The following CENPK variants were observed in gnomAD, a reference collection of about 807,000 sequenced individuals.
CENPK encodes the protein SoxLZ/Sox6-binding protein Solt.
CENPK carries 46 observed loss-of-function variants against 40.9 expected under a neutral mutation model. The observed-to-expected ratio is 1.13, with a 90% CI of 0.89 to 1.44. The LOEUF (loss-of-function observed/expected upper bound fraction) is 1.44. CENPK is among the 40% of genes most tolerant of loss of function. The pLI, the probability that CENPK is intolerant of heterozygous loss-of-function variation, is 0.00. For synonymous variants in CENPK, 107 were observed against 104.4 expected, an observed-to-expected ratio of 1.02 and a Z score of -0.15; for missense variants, 288 against 303.5, an observed-to-expected ratio of 0.95 and a Z score of 0.38.
rs888099155 is a variant in CENPK at position 65,528,897 on chromosome 5, A to G, written c.470+22T>C. 5 of 1,351,968 alleles carry G rather than the reference A, an allele frequency of 3.7e-6. No homozygotes were observed. In the Admixed American group the frequency reaches 1.0e-4, roughly 27 times the overall value. 83.7% of individuals were successfully genotyped at this position (1,351,968 alleles called of 1,614,324 possible). Reference sequence around the variant, plus strand: ...ATAAAATACTTTTCCTATTTTAAAAACCTAGAACATAAAATTAATACCTTG... The same window carrying G: ...ATAAAATACTTTTCCTATTTTAAAAGCCTAGAACATAAAATTAATACCTTG... On this transcript the variant is annotated intron_variant, in intron 8 of 10. Transcript: ENST00000396679.
chr5:65,551,659 C>A (rs1186445167), intron 4 of CENPK, 23 bp from the exon 5 acceptor site: 3 of 1,373,224 alleles, frequency 2.2e-6, no homozygotes, highest in Admixed American at 4.0e-5. Flanking sequence ...AAAACAAAGT[C>A]ATTTTCTGTG....
intron 6 of CENPK, among the ~76,000 whole-genome samples, chr5:65,538,041 T>C (rs1320556584): frequency 6.6e-6 from 1 of 152,224 alleles, no homozygotes; most frequent in Non-Finnish European, 1.5e-5. Context: ...AGCAATGTAT[T>C]GCTATTCCAA....
chr5:65,510,407 T>C, the CENPK span, among the ~76,000 whole-genome samples: 5 of 152,182 alleles, frequency 3.3e-5, no homozygotes, highest in African/African-American at 1.2e-4. Flanking sequence ...TGAAATTTAA[T>C]CCACAAAATG....
chr5:65,553,854 C>A (rs1183837894), intron 3 of CENPK, among the ~76,000 whole-genome samples: 1 of 152,134 alleles, frequency 6.6e-6, no homozygotes, highest in Non-Finnish European at 1.5e-5. Flanking sequence ...TTCAAAAACA[C>A]CAGAGTAATT....
chr5:65,561,632 CT>C, intron 1 of CENPK, 68 bp from the exon 2 acceptor site: 1 of 338,728 alleles, frequency 3.0e-6, no homozygotes. Context: ...AAGAGTTGAA[CT>C]TTTCCCGTTC....
intron 6 of CENPK, among the ~76,000 whole-genome samples, chr5:65,538,043 C>T (rs559337719): frequency 1.3e-3 from 195 of 152,260 alleles, no homozygotes; most frequent in African/African-American, 4.5e-3. Context: ...CAATGTATTG[C>T]TATTCCAATT....
intron 6 of CENPK, among the ~76,000 whole-genome samples, chr5:65,533,408 CAG>C (rs1200249388): frequency 7.3e-6 from 1 of 137,216 alleles, no homozygotes; most frequent in Admixed American, 7.6e-5. Flanking sequence ...TAAACTGTAA[CAG>C]AAGAAAATTT....
downstream of CENPK, among the ~76,000 whole-genome samples, chr5:65,516,586 C>T (rs1264537272): frequency 6.6e-6 from 1 of 152,030 alleles, no homozygotes; most frequent in Non-Finnish European, 1.5e-5. Flanking sequence ...AGTGGTTACC[C>T]CAAGGCAGAG....
In CENPK at chr5:65,517,888, T is replaced by A. The variant is rs1743006467; in HGVS notation, c.*587A>T. ...GAGTAGATTAATATATAAGGTAACA[T>A]GATATATTAATAATACAAACTAAAA... On this transcript the variant is annotated 3_prime_UTR_variant, in exon 11 of 11. Coordinates refer to ENST00000396679, the MANE Select transcript of CENPK (RefSeq NM_022145.5). 1 of 152,096 alleles carries A rather than the reference T, an allele frequency of 6.6e-6. No homozygotes were observed. 9.4% of individuals were successfully genotyped at this position (152,096 alleles called of 1,614,324 possible). A position where few individuals can be genotyped will look rare whatever the true frequency, so the allele number is the denominator to read the frequency against.
At chr5:65,562,271 A>C (rs1349332122) in intron 1 of CENPK, among the ~76,000 whole-genome samples, 1 of 152,246 alleles carries the variant, frequency 6.6e-6, no homozygotes, top group Non-Finnish European at 1.5e-5. Context: ...TAAAAACATA[A>C]GAGTAGGAGG....
intron 3 of CENPK, among the ~76,000 whole-genome samples, chr5:65,554,129 G>T (rs1750584870): frequency 6.6e-6 from 1 of 151,368 alleles, no homozygotes; most frequent in Non-Finnish European, 1.5e-5. Context: ...CTTTAGAAAT[G>T]AAACCAGTAA....
chr5:65,558,659 C>T (rs1213185877), intron 2 of CENPK, among the ~76,000 whole-genome samples: 1 of 152,122 alleles, frequency 6.6e-6, no homozygotes, highest in Non-Finnish European at 1.5e-5. Context: ...TACAGGCTCA[C>T]CTGAGATTAG....
At chr5:65,499,207 G>A in the CENPK span, among the ~76,000 whole-genome samples, 1 of 147,980 alleles carries the variant, frequency 6.8e-6, no homozygotes, top group Non-Finnish European at 1.5e-5. Context: ...TTTAGGGTAG[G>A]TCTGCTAGCA....
intron 4 of CENPK, among the ~76,000 whole-genome samples, chr5:65,551,848 A>G (rs1750120338): frequency 6.6e-6 from 1 of 152,136 alleles, no homozygotes; most frequent in African/African-American, 2.4e-5. Flanking sequence ...TGATTATTAT[A>G]ATGAATGTCA....
At position 65,518,224 on chromosome 5, in the gene CENPK, A is replaced by G. The variant is rs1395176719; in HGVS notation, c.*251T>C. 2.9e-6 allele frequency: 1 copy of G among 348,006 alleles called. No homozygotes were observed. The highest frequency in any genetic ancestry group is 4.8e-5 in the Admixed American group (1 of 20,916). 21.6% of individuals were successfully genotyped at this position (348,006 alleles called of 1,614,324 possible). On this transcript the variant is annotated 3_prime_UTR_variant, in exon 11 of 11. Coordinates refer to ENST00000396679, the MANE Select transcript of CENPK (RefSeq NM_022145.5). ...AATATTGCATGAGGTAAGGTACATTAAATGTTTTATGCCTAGAATATTATC... is the reference window on the plus strand; with the variant it reads ...AATATTGCATGAGGTAAGGTACATTGAATGTTTTATGCCTAGAATATTATC...
intron 5 of CENPK, chr5:65,550,409 G>A (rs12518963): frequency 0.41 from 61,854 of 151,926 alleles, 12,943 homozygotes; most frequent in East Asian, 0.65. Flanking sequence ...GTGTTTTAAG[G>A]AAAAGGGAGG....
At position 65,518,312 on chromosome 5, in the gene CENPK, T is replaced by C; in HGVS notation, c.*163A>G. Reference sequence around the variant, plus strand: ...GCACTCACTGAATAAGAAATGACCATTTAAAAATGAATAATAGATGGCAGC... The same window carrying C: ...GCACTCACTGAATAAGAAATGACCACTTAAAAATGAATAATAGATGGCAGC... On this transcript the variant is annotated 3_prime_UTR_variant, in exon 11 of 11. Transcript: ENST00000396679. 1.6e-6 allele frequency: 1 copy of C among 637,100 alleles called. No homozygotes were observed. The highest frequency in any genetic ancestry group is 2.9e-5 in the East Asian group (1 of 34,532). The allele number at this position is 637,100 out of a possible 1,614,324, so 39.5% of individuals were successfully genotyped here.
In CENPK at chr5:65,551,732, G is replaced by C. The variant is rs150206986; in HGVS notation, c.169-96C>G. On this transcript the variant is annotated intron_variant, in intron 4 of 10. Coordinates refer to ENST00000396679, the MANE Select transcript of CENPK (RefSeq NM_022145.5). Reference sequence around the variant, plus strand: ...TTCTTAATATTTTAAAACTTTGCAGGGGGGTGGCATCCCTAACTCTCACGC... The same window carrying C: ...TTCTTAATATTTTAAAACTTTGCAGCGGGGTGGCATCCCTAACTCTCACGC... The C allele has an allele frequency of 3.0e-5, 18 of 605,278 alleles. 1 individual carries two copies. In the South Asian group the frequency reaches 5.6e-4, roughly 19 times the overall value. 37.5% of individuals were successfully genotyped at this position (605,278 alleles called of 1,614,324 possible). A position where few individuals can be genotyped will look rare whatever the true frequency, so the allele number is the denominator to read the frequency against.
rs77694667 is a variant in CENPK, at chr5:65,532,113, T to C, written c.289-2914A>G. ...GATAATGGAGAAATGTTATCGACAA[T>C]CTTGTCACTAAATTTGACAAATCAG... On this transcript the variant is annotated intron_variant, in intron 6 of 10. Coordinates refer to ENST00000396679, the MANE Select transcript of CENPK (RefSeq NM_022145.5). Among the ~76,000 whole-genome samples the C allele has an allele frequency of 1.9e-3, 292 of 152,248 alleles. 2 individuals carry two copies. The highest frequency in any genetic ancestry group is 6.8e-3 in the African/African-American group (281 of 41,536).
Sources: gnomAD v4.1 joint callset for allele counts (sites outside exome capture counted in the v4.1 genomes callset) on GRCh38, gnomAD v4.1.1 for gene constraint, MANE v1.5 for transcripts, NCBI Gene and HGNC (gene_info 2026-07-23, HGNC 2026-07-21) for gene names.